Variants in KCNT2 observed in about 807,000 individuals in gnomAD.
The protein encoded by KCNT2 is potassium channel subfamily T member 2.
A neutral mutation model predicts 153.8 loss-of-function variants in KCNT2; 67 were observed. The ratio of observed to expected loss-of-function variants is 0.44; its 90% CI spans 0.36 to 0.53. The LOEUF (loss-of-function observed/expected upper bound fraction) is 0.53. Among genes scored for constraint, KCNT2 ranks in the 20% least tolerant of loss-of-function variants. KCNT2 has a pLI of 0.00. For synonymous variants in KCNT2, 500 were observed against 458.8 expected (o/e 1.09, Z -1.15); for missense variants, 975 against 1,354.8 (o/e 0.72, Z 4.40).
At chr1:196,244,102 C>A (rs1655207338) in intron 26 of KCNT2, among the ~76,000 whole-genome samples, 1 of 152,106 alleles carries the variant, frequency 6.6e-6, no homozygotes, top group South Asian at 2.1e-4. Flanking sequence ...CAGAAGGGAA[C>A]CTGCTTCTTT....
intron 26 of KCNT2, among the ~76,000 whole-genome samples, chr1:196,255,983 C>T (rs1421483890): frequency 1.3e-5 from 2 of 151,880 alleles, no homozygotes; most frequent in African/African-American, 4.8e-5. Flanking sequence ...CTGGGCAAGG[C>T]ATTTAATGTC....
chr1:196,442,200 C>T (rs779785234), intron 8 of KCNT2, among the ~76,000 whole-genome samples: 13 of 151,802 alleles, frequency 8.6e-5, no homozygotes, highest in Non-Finnish European at 1.8e-4. Flanking sequence ...AACAAAATCA[C>T]ATAAGACAGT....
chr1:196,359,475 T>G (rs1667446429), intron 14 of KCNT2, among the ~76,000 whole-genome samples: 1 of 152,024 alleles, frequency 6.6e-6, no homozygotes, highest in Non-Finnish European at 1.5e-5. Flanking sequence ...AACCAGGGCA[T>G]AGACCCAAAG....
intron 1 of KCNT2, among the ~76,000 whole-genome samples, chr1:196,543,393 C>CTA (rs1252894078): frequency 6.6e-6 from 1 of 151,994 alleles, no homozygotes; most frequent in Non-Finnish European, 1.5e-5. Context: ...AAGTCTCTTG[C>CTA]TATATAACAA....
intron 8 of KCNT2, among the ~76,000 whole-genome samples, chr1:196,460,801 T>G (rs989817911): frequency 9.2e-5 from 14 of 151,746 alleles, no homozygotes; most frequent in Admixed American, 8.6e-4. Context: ...CAGATTATAT[T>G]GAATATTACA....
chr1:196,532,626 G>T (rs897984034), intron 1 of KCNT2, among the ~76,000 whole-genome samples: 1 of 151,796 alleles, frequency 6.6e-6, no homozygotes, highest in Admixed American at 6.6e-5. Flanking sequence ...GAAAAATTGT[G>T]ACTTTACTGC....
intron 1 of KCNT2, among the ~76,000 whole-genome samples, chr1:196,550,875 A>T (rs1438464608): frequency 1.3e-5 from 2 of 151,832 alleles, no homozygotes; most frequent in African/African-American, 4.8e-5. Flanking sequence ...ATCCCATGGA[A>T]AATTTAAAGG....
chr1:196,230,922 G>A (rs1469589687), intron 27 of KCNT2, among the ~76,000 whole-genome samples: 1 of 152,016 alleles, frequency 6.6e-6, no homozygotes. Context: ...AGTTTCAAAA[G>A]AAGTTCCACT....
intron 5 of KCNT2, 116 bp from the exon 6 acceptor site, chr1:196,469,184 C>A: frequency 1.6e-6 from 1 of 640,758 alleles, no homozygotes; most frequent in South Asian, 1.9e-5. Context: ...TAACAGAATA[C>A]TGAATATTAT....
At chr1:196,327,594 T>C (rs1321171455) in intron 18 of KCNT2, among the ~76,000 whole-genome samples, 4 of 152,058 alleles carry the variant, frequency 2.6e-5, no homozygotes, top group Admixed American at 6.6e-5. Context: ...TATGTCTTTA[T>C]GTTCATTTCT....
At chr1:196,296,849 A>C (rs1291188436) in intron 22 of KCNT2, among the ~76,000 whole-genome samples, 1 of 152,108 alleles carries the variant, frequency 6.6e-6, no homozygotes, top group African/African-American at 2.4e-5. Flanking sequence ...TCTGAATTCA[A>C]AAATGAGTAG....
chr1:196,579,674 G>A (rs1430914961), intron 1 of KCNT2, among the ~76,000 whole-genome samples: 2 of 151,804 alleles, frequency 1.3e-5, no homozygotes, highest in African/African-American at 4.8e-5. Flanking sequence ...TGTATTTATA[G>A]TAGAGAAGGG....
At chr1:196,271,535 T>C (rs1658064947) in intron 25 of KCNT2, among the ~76,000 whole-genome samples, 1 of 152,008 alleles carries the variant, frequency 6.6e-6, no homozygotes, top group African/African-American at 2.4e-5. Context: ...AAACTCTTAT[T>C]AAGTTAAAGT....
chr1:196,595,794 C>A (rs1663990581), intron 1 of KCNT2, among the ~76,000 whole-genome samples: 1 of 151,916 alleles, frequency 6.6e-6, no homozygotes. Context: ...ATCACCTGAG[C>A]AGTGCACACT....
rs56943556 is a variant in KCNT2 at position 196,487,409 on chromosome 1, A to AGTGTGTGTGTGTGTGTGTGTGT, written c.275+2407_275+2428dup. Among the ~76,000 whole-genome samples the AGTGTGTGTGTGTGTGTGTGTGT allele has an allele frequency of 7.5e-5, 11 of 146,542 alleles. No individual in the cohort carries two copies. The East Asian group carries it at 1.6e-3, about 22-fold the overall frequency. On this transcript the variant is annotated intron_variant, in intron 3 of 27. Coordinates refer to ENST00000294725, the MANE Select transcript of KCNT2 (RefSeq NM_198503.5). ...ACATATAGTACCTACCATGTTATGG[A>AGTGTGTGTGTGTGTGTGTGTGT]GTGTGTGTGTGTGTGTGTGTGTGTG...
intron 1 of KCNT2, among the ~76,000 whole-genome samples, chr1:196,561,387 T>C (rs536535915): frequency 3.0e-4 from 46 of 151,136 alleles, no homozygotes; most frequent in African/African-American, 8.7e-4. Flanking sequence ...GAATTTAGAA[T>C]AGGGTGGGAG....
intron 13 of KCNT2, among the ~76,000 whole-genome samples, chr1:196,389,160 G>A (rs1670257404): frequency 6.6e-6 from 1 of 151,594 alleles, no homozygotes; most frequent in Non-Finnish European, 1.5e-5. Flanking sequence ...AATGTTATAT[G>A]ACTATTGTAA....
chr1:196,393,413 T>A (rs1489110780), intron 13 of KCNT2, among the ~76,000 whole-genome samples: 3 of 151,518 alleles, frequency 2.0e-5, no homozygotes, highest in Non-Finnish European at 4.4e-5. Context: ...AAACATGAAT[T>A]CACCTCCCAC....
intron 12 of KCNT2, among the ~76,000 whole-genome samples, chr1:196,408,939 A>G (rs1439706491): frequency 6.6e-6 from 1 of 151,540 alleles, no homozygotes; most frequent in Non-Finnish European, 1.5e-5. Context: ...ATTTTTATAC[A>G]GATTGCTAAG....
Sources: allele counts gnomAD v4.1 joint callset (sites outside exome capture counted in the v4.1 genomes callset), GRCh38; gene constraint gnomAD v4.1.1; transcripts MANE v1.5; gene names NCBI Gene and HGNC (gene_info 2026-07-23, HGNC 2026-07-21).